NUP50: variants seen among roughly 807,000 people sequenced by gnomAD.
NUP50 encodes the protein nuclear pore complex protein Nup50.
In NUP50, 14 loss-of-function variants were observed where a neutral mutation model predicts 36.8. That is an observed-to-expected ratio of 0.38 (90% CI 0.25 to 0.59). NUP50 has a LOEUF of 0.59. Ranked by LOEUF, NUP50 falls within the 20% of genes least tolerant of loss-of-function variation. The pLI is 0.63. For missense variants in NUP50, 455 were observed against 564.6 expected (o/e 0.81, Z 1.97); for synonymous variants, 195 against 210.8 (o/e 0.93, Z 0.65).
chr22:45,179,063 T>C (rs941758284), intron 5 of NUP50, 163 bp downstream of exon 5: 3 of 616,978 alleles, frequency 4.9e-6, no homozygotes, highest in Non-Finnish European at 8.0e-6. Context: ...GAGTTTCAGA[T>C]TCCTGCTTTA....
intron 3 of NUP50, among the ~76,000 whole-genome samples, chr22:45,174,769 C>T (rs1350276940): frequency 6.6e-6 from 1 of 152,294 alleles, no homozygotes; most frequent in East Asian, 1.9e-4. Context: ...AATCTAAGCT[C>T]TGTTTATTAT....
Position 45,185,276 on chromosome 22 carries a change from C to T in NUP50, c.*621C>T, listed in dbSNP as rs530018557. On this transcript the variant is annotated 3_prime_UTR_variant, in exon 8 of 8. Transcript: ENST00000347635. ...CACGAGAATTCAGGACCTGCATTTTCATTCTAAAAAGAAATGAACAGCTTG... is the reference window on the plus strand; with the variant it reads ...CACGAGAATTCAGGACCTGCATTTTTATTCTAAAAAGAAATGAACAGCTTG... 2 of 152,918 alleles carry T rather than the reference C, an allele frequency of 1.3e-5. No individual in the cohort carries two copies. Among genetic ancestry groups the T allele is most frequent in the African/African-American group, 4.8e-5 (2 of 41,554 alleles). 9.5% of individuals were successfully genotyped at this position (152,918 alleles called of 1,614,324 possible). A position where few individuals can be genotyped will look rare whatever the true frequency, so the allele number is the denominator to read the frequency against.
At position 45,186,340 on chromosome 22, in the gene NUP50, C is replaced by G. The variant is rs574664260; in HGVS notation, c.*1685C>G. On this transcript the variant is annotated 3_prime_UTR_variant, in exon 8 of 8. Transcript: ENST00000347635. ...GGAGAATGCACGTGGGTTTCTGTTG[C>G]GGATGATTCATAGTAAGCAAGCGGT... 2.0e-5 allele frequency: 3 copies of G among 152,304 alleles called. No individual in the cohort carries two copies. The South Asian group carries it at 6.2e-4, about 32-fold the overall frequency. 9.4% of individuals were successfully genotyped at this position (152,304 alleles called of 1,614,324 possible). A position where few individuals can be genotyped will look rare whatever the true frequency, so the allele number is the denominator to read the frequency against.
rs768879297 is a variant in NUP50, at chr22:45,183,538, G to T, written c.1204+18G>T. 3 of 1,455,510 alleles carry T rather than the reference G, an allele frequency of 2.1e-6. No homozygotes were observed. The Admixed American group carries it at 5.0e-5, about 24-fold the overall frequency. 90.2% of individuals were successfully genotyped at this position (1,455,510 alleles called of 1,614,324 possible). ...CAATTTAGGTGGGTACCTTTTTTCA[G>T]TTAGCACAAAATCATCATCACATAG... On this transcript the variant is annotated intron_variant, in intron 7 of 7. Coordinates refer to ENST00000347635, the MANE Select transcript of NUP50 (RefSeq NM_007172.4).
At chr22:45,176,785 C>G (rs2074283182) in intron 4 of NUP50, among the ~76,000 whole-genome samples, 1 of 152,116 alleles carries the variant, frequency 6.6e-6, no homozygotes, top group African/African-American at 2.4e-5. Flanking sequence ...GCTCTGTCAC[C>G]AGGATGGAAT....
intron 5 of NUP50, 99 bp downstream of exon 5, chr22:45,178,999 T>C (rs2074323870): frequency 2.6e-6 from 3 of 1,152,154 alleles, no homozygotes; most frequent in Non-Finnish European, 3.7e-6. Context: ...TGGATTCACA[T>C]TGAGACGTTG....
chr22:45,180,088 C>CT (rs1185636217), intron 5 of NUP50: 1 of 152,220 alleles, frequency 6.6e-6, no homozygotes, highest in Non-Finnish European at 1.5e-5. Flanking sequence ...CCTTTTCTTT[C>CT]TTCTCTGCCT....
intron 1 of NUP50, 22 bp downstream of exon 1, chr22:45,164,318 GGGA>G (rs1601760997): frequency 2.0e-5 from 3 of 152,852 alleles, no homozygotes; most frequent in African/African-American, 7.2e-5. Flanking sequence ...CGGCGGGCGC[GGGA>G]GGAGAAGAGG....
chr22:45,183,362 T>C (rs2074412840), intron 6 of NUP50, 40 bp from the exon 7 acceptor site: 1 of 1,194,712 alleles, frequency 8.4e-7, no homozygotes, highest in Admixed American at 1.7e-5. Context: ...ACTTGATTCG[T>C]CCTTGAATGC....
At chr22:45,167,805 G>A (rs1393572644) in intron 1 of NUP50, among the ~76,000 whole-genome samples, 2 of 152,116 alleles carry the variant, frequency 1.3e-5, no homozygotes, top group Admixed American at 6.5e-5. Context: ...ATGTATATGC[G>A]TAGAATAAGT....
intron 5 of NUP50, 24 bp downstream of exon 5, chr22:45,178,924 G>T: frequency 6.3e-7 from 1 of 1,577,726 alleles, no homozygotes; most frequent in Non-Finnish European, 8.6e-7. Context: ...TTGTCGTTGA[G>T]TCGAGGTTTG....
chr22:45,180,570 G>A (rs1272072227), intron 5 of NUP50, among the ~76,000 whole-genome samples: 4 of 152,102 alleles, frequency 2.6e-5, no homozygotes, highest in East Asian at 1.9e-4. Flanking sequence ...GATGGGGGGC[G>A]TCTCACCATG....
Position 45,184,564 on chromosome 22 carries a change from C to T in NUP50, c.1316C>T (p.Ala439Val). The T allele has an allele frequency of 1.9e-6, 3 of 1,610,930 alleles. No individual in the cohort carries two copies. The highest frequency in any genetic ancestry group is 2.5e-6 in the Non-Finnish European group (3 of 1,177,092). Residue 439 changes from alanine (A) to valine (V), a missense_variant, in exon 8 of 8, where the codon GCC (alanine) becomes GTC (valine). This residue lies in a region of NUP50 where 287 missense variants were observed against 345.5 expected (regional missense o/e 0.83). Transcript: ENST00000347635. ...VPNPPIDEKN[A>V]TMPVTMLIRV... ...AATCCACCAATTGACGAGAAGAATG[C>T]CACCATGCCAGTCACCATGTTGATT...
At chr22:45,175,774 T>C in intron 3 of NUP50, 120 bp from the exon 4 acceptor site, 1 of 821,586 alleles carries the variant, frequency 1.2e-6, no homozygotes, top group African/African-American at 1.7e-5. Flanking sequence ...CAGTTTGCCT[T>C]ATAACGCTGA....
At chr22:45,180,882 G>C (rs558664226) in intron 5 of NUP50, among the ~76,000 whole-genome samples, 1 of 151,622 alleles carries the variant, frequency 6.6e-6, no homozygotes, top group South Asian at 2.1e-4. Flanking sequence ...GGCTATTACT[G>C]ATACTTGTAG....
In NUP50 at chr22:45,184,692, C is replaced by CTTTT. The variant is rs201566541; in HGVS notation, c.*38_*39insTTTT. The CTTTT allele has an allele frequency of 0.053, 42,229 of 792,506 alleles. 6,174 individuals carry two copies. Among genetic ancestry groups the CTTTT allele is most frequent in the Admixed American group, 0.17 (5,382 of 30,914 alleles). 49.1% of individuals were successfully genotyped at this position (792,506 alleles called of 1,614,324 possible). On this transcript the variant is annotated 3_prime_UTR_variant, in exon 8 of 8. Coordinates refer to ENST00000347635, the MANE Select transcript of NUP50 (RefSeq NM_007172.4). ...CGGCTGCAGAATTATTGCCAAGTTGCTGCTGCTTCCACCGCCCCTTAAAGT... is the reference window on the plus strand; with the variant it reads ...CGGCTGCAGAATTATTGCCAAGTTGCTTTTTGCTGCTTCCACCGCCCCTTAAAGT...
In NUP50 at chr22:45,184,562, T is replaced by C; in HGVS notation, c.1314T>C (p.Asn438=). The C allele has an allele frequency of 6.2e-7, 1 of 1,612,316 alleles. No individual in the cohort carries two copies. Among genetic ancestry groups the C allele is most frequent in the Non-Finnish European group, 8.5e-7 (1 of 1,178,344 alleles). Reference sequence around the variant, plus strand: ...CAAATCCACCAATTGACGAGAAGAATGCCACCATGCCAGTCACCATGTTGA... The same window carrying C: ...CAAATCCACCAATTGACGAGAAGAACGCCACCATGCCAGTCACCATGTTGA... The part of the protein sequence containing the change: ...CVPNPPIDEK[N]ATMPVTMLIR... The change falls in exon 8 of 8, where the codon AAT becomes AAC. Residue 438 remains asparagine (N), a synonymous_variant. Transcript: ENST00000347635.
Position 45,178,317 on chromosome 22 carries a change from C to G in NUP50, c.420C>G (p.Pro140=), listed in dbSNP as rs1207019830. The G allele has an allele frequency of 2.5e-6, 4 of 1,613,852 alleles. No homozygotes were observed. The highest frequency in any genetic ancestry group is 3.4e-6 in the Non-Finnish European group (4 of 1,179,872). Residue 140 remains proline (P), a synonymous_variant, in exon 5 of 8, where the codon CCC becomes CCG. Coordinates refer to ENST00000347635, the MANE Select transcript of NUP50 (RefSeq NM_007172.4). ...AAACTAATGGGGACAGTCAGCAGCC[C>G]TCCTCCTCTGGCCTTGCTTCCAGTA... ...NPKTNGDSQQ[P]SSSGLASSKA...
intron 2 of NUP50, among the ~76,000 whole-genome samples, chr22:45,169,812 G>A (rs1004920153): frequency 4.6e-5 from 7 of 152,290 alleles, no homozygotes; most frequent in African/African-American, 1.4e-4. Flanking sequence ...GGAGGAGTCA[G>A]GGAACACTCT....
Sources: allele counts gnomAD v4.1 joint callset (sites outside exome capture counted in the v4.1 genomes callset), GRCh38; gene constraint gnomAD v4.1.1; regional missense constraint gnomAD v4.1.1; transcripts MANE v1.5; gene names NCBI Gene and HGNC (gene_info 2026-07-23, HGNC 2026-07-21).